The following SDCBP variants were observed in gnomAD, a reference collection of about 807,000 sequenced individuals.
SDCBP encodes the protein syndecan binding protein, also known as syntenin-1.
SDCBP carries 22 observed loss-of-function variants against 30.5 expected under a neutral mutation model. The observed-to-expected ratio is 0.72, with a 90% CI of 0.52 to 1.03. The LOEUF (loss-of-function observed/expected upper bound fraction) is 1.03. SDCBP is among the 50% of genes least tolerant of loss of function. SDCBP has a pLI of 0.00. For missense variants in SDCBP, 304 were observed against 369.9 expected (o/e 0.82, Z 1.46); for synonymous variants, 103 against 118.7 (o/e 0.87, Z 0.86).
chr8:58,556,003 A>C (rs1203217280), intron 1 of SDCBP, among the ~76,000 whole-genome samples: 1 of 152,204 alleles, frequency 6.6e-6, no homozygotes, highest in Non-Finnish European at 1.5e-5. Context: ...TATCACTCCA[A>C]ATTTTCCTGG....
chr8:58,579,910 G>T, intron 7 of SDCBP, 116 bp downstream of exon 7: 1 of 944,792 alleles, frequency 1.1e-6, no homozygotes, highest in Non-Finnish European at 1.5e-6. Flanking sequence ...GGGAACGTGG[G>T]GCCTGAACTC....
Position 58,579,744 on chromosome 8 carries a change from A to T in SDCBP, c.700A>T (p.Thr234Ser). Reference protein sequence around the residue: ...DSSAARNGLLTEHNICEINGQ... With the variant: ...DSSAARNGLLSEHNICEINGQ... ...CTCTGCAGCCAGAAATGGTCTTCTC[A>T]CGGAACATAACATCTGTGAAATCAA... Residue 234 changes from threonine to serine, a missense_variant, in exon 7 of 9, where the codon ACG becomes TCG. By Grantham distance (58) the Thr-to-Ser change is moderately conservative. Transcript: ENST00000260130. The T allele has an allele frequency of 6.2e-7, 1 of 1,612,850 alleles. No homozygotes were observed. The highest frequency in any genetic ancestry group is 1.1e-5 in the South Asian group (1 of 90,854).
chr8:58,554,291 A>C (rs115850654), intron 1 of SDCBP, among the ~76,000 whole-genome samples: 3,253 of 152,290 alleles, frequency 0.021, 131 homozygotes, highest in African/African-American at 0.075. Flanking sequence ...GGGCCTTTTA[A>C]ATTAAATTGA....
intron 1 of SDCBP, among the ~76,000 whole-genome samples, chr8:58,559,206 A>G (rs1804305551): frequency 6.6e-6 from 1 of 152,220 alleles, no homozygotes; most frequent in Admixed American, 6.5e-5. Flanking sequence ...GAGAAAAGTT[A>G]GGAAACCACT....
rs751430708 is a variant in SDCBP at position 58,575,997 on chromosome 8, G to A, written c.338G>A (p.Arg113His). 26 of 1,613,380 alleles carry A rather than the reference G, an allele frequency of 1.6e-5. No homozygotes were observed. Among genetic ancestry groups the A allele is most frequent in the Admixed American group, 3.3e-5 (2 of 59,990 alleles). The change falls in exon 5 of 9, where the codon CGT (arginine) becomes CAT (histidine). Residue 113 changes from arginine to histidine, a missense_variant. Arg to His is a conservative substitution (Grantham distance 29). Transcript: ENST00000260130. ...AGAGCAGAAATTAAGCAAGGGATTC[G>A]TGAAGTCATTTTGTGTAAGGATCAA... ...IRRAEIKQGI[R>H]EVILCKDQDG...
chr8:58,556,530 G>C (rs1057016545), intron 1 of SDCBP, among the ~76,000 whole-genome samples: 2 of 152,106 alleles, frequency 1.3e-5, no homozygotes, highest in Non-Finnish European at 2.9e-5. Flanking sequence ...TTTTAAGGGA[G>C]GCCAGTTGTA....
At chr8:58,572,873 C>A (rs1320985476) in intron 4 of SDCBP, among the ~76,000 whole-genome samples, 1 of 129,208 alleles carries the variant, frequency 7.7e-6, no homozygotes, top group Non-Finnish European at 1.5e-5. Context: ...ATGGCGTGAT[C>A]TCGGCCCACT....
chr8:58,566,656 T>G (rs1337070851), intron 2 of SDCBP, among the ~76,000 whole-genome samples: 2 of 152,174 alleles, frequency 1.3e-5, no homozygotes, highest in Non-Finnish European at 2.9e-5. Flanking sequence ...TTAAACTCTT[T>G]GGCTGTTTTT....
chr8:58,559,553 A>T (rs548862559), intron 1 of SDCBP, among the ~76,000 whole-genome samples: 78 of 147,108 alleles, frequency 5.3e-4, no homozygotes, highest in South Asian at 2.1e-3. Flanking sequence ...AAGAATGTGA[A>T]TTTTTTTTTT....
At chr8:58,570,372 A>G (rs902574811) in intron 2 of SDCBP, among the ~76,000 whole-genome samples, 1 of 152,124 alleles carries the variant, frequency 6.6e-6, no homozygotes, top group Non-Finnish European at 1.5e-5. Context: ...TGATATTTTA[A>G]AAGTATTTAG....
chr8:58,575,952 G>C lies in SDCBP; in HGVS notation c.293G>C (p.Gly98Ala), dbSNP rs372504616. ...SINYMVAPVT[G>A]NDVGIRRAEI... is the part of the protein sequence containing the mutation. Reference sequence around the variant, plus strand: ...AACTATATGGTGGCTCCTGTAACTGGTAATGATGTTGGAATTCGTAGAGCA... The same window carrying C: ...AACTATATGGTGGCTCCTGTAACTGCTAATGATGTTGGAATTCGTAGAGCA... Residue 98 changes from glycine to alanine, a missense_variant, in exon 5 of 9, where the codon GGT (glycine) becomes GCT (alanine). By Grantham distance (60) the Gly-to-Ala change is moderately conservative. Coordinates refer to ENST00000260130, the MANE Select transcript of SDCBP (RefSeq NM_005625.4). The C allele has an allele frequency of 5.6e-6, 9 of 1,613,280 alleles. No individual in the cohort carries two copies. The African/African-American group carries it at 1.2e-4, about 22-fold the overall frequency.
intron 1 of SDCBP, among the ~76,000 whole-genome samples, chr8:58,562,956 G>A (rs77349665): frequency 0.017 from 2,581 of 152,248 alleles, 33 homozygotes; most frequent in African/African-American, 0.036. Flanking sequence ...TGGTCTGAAT[G>A]TTTGTGACTG....
At chr8:58,568,359 A>G (rs1804824069) in intron 2 of SDCBP, among the ~76,000 whole-genome samples, 2 of 152,026 alleles carry the variant, frequency 1.3e-5, no homozygotes, top group East Asian at 1.9e-4. Context: ...ACATCATCCC[A>G]CTGAAAGGTC....
intron 2 of SDCBP, among the ~76,000 whole-genome samples, chr8:58,568,547 A>G (rs1331781965): frequency 6.6e-6 from 1 of 152,306 alleles, no homozygotes; most frequent in Admixed American, 6.5e-5. Flanking sequence ...GTCATTTATT[A>G]TTATCAAGTA....
chr8:58,576,129 TAA>T, intron 5 of SDCBP, 68 bp downstream of exon 5: 1 of 1,153,730 alleles, frequency 8.7e-7, no homozygotes, highest in East Asian at 2.5e-5. Context: ...AATGTTAAAA[TAA>T]TTTGAAATGG....
intron 1 of SDCBP, among the ~76,000 whole-genome samples, chr8:58,559,393 A>AT (rs1804317447): frequency 6.6e-6 from 1 of 152,194 alleles, no homozygotes; most frequent in South Asian, 2.1e-4. Flanking sequence ...CATTTTGTTT[A>AT]TATTGATAGA....
intron 4 of SDCBP, among the ~76,000 whole-genome samples, chr8:58,573,192 C>G (rs915771362): frequency 3.9e-5 from 6 of 152,070 alleles, no homozygotes; most frequent in African/African-American, 1.4e-4. Context: ...TATAATGGGT[C>G]TGATAACCTT....
intron 2 of SDCBP, among the ~76,000 whole-genome samples, chr8:58,567,519 C>A (rs1053504076): frequency 2.0e-5 from 3 of 152,168 alleles, no homozygotes; most frequent in African/African-American, 7.2e-5. Context: ...CACCTGAAGT[C>A]TACATATTTA....
At chr8:58,571,978 T>G (rs1010019229) in intron 3 of SDCBP, among the ~76,000 whole-genome samples, 3 of 152,220 alleles carry the variant, frequency 2.0e-5, no homozygotes, top group Non-Finnish European at 2.9e-5. Context: ...TCTCTGGTTG[T>G]TTCAGTTCAG....
Sources: gnomAD v4.1 joint callset for allele counts (sites outside exome capture counted in the v4.1 genomes callset) on GRCh38, gnomAD v4.1.1 for gene constraint, MANE v1.5 for transcripts, NCBI Gene and HGNC (gene_info 2026-07-23, HGNC 2026-07-21) for gene names.